ANXA13: variants seen among roughly 807,000 people sequenced by gnomAD.
The protein encoded by ANXA13 is annexin XIII.
A neutral mutation model predicts 46.6 loss-of-function variants in ANXA13; 36 were observed. That is an observed-to-expected ratio of 0.77 (90% CI 0.59 to 1.02). ANXA13 has a LOEUF of 1.02. Ranked by LOEUF, ANXA13 falls within the 50% of genes least tolerant of loss-of-function variation. The pLI is 0.00. For missense variants in ANXA13, 417 were observed against 396.5 expected (o/e 1.05, Z -0.44); for synonymous variants, 163 against 152.9 (o/e 1.07, Z -0.49).
chr8:123,716,411 G>A (rs190115885), intron 1 of ANXA13, among the ~76,000 whole-genome samples: 1 of 152,228 alleles, frequency 6.6e-6, no homozygotes, highest in Non-Finnish European at 1.5e-5. Context: ...TCTATCAGAG[G>A]CGCCACCATC....
At chr8:123,722,312 CAAAAAGAAAGAAAG>C (rs1212921950) in intron 1 of ANXA13, among the ~76,000 whole-genome samples, 88 of 126,960 alleles carry the variant, frequency 6.9e-4, no homozygotes, top group African/African-American at 2.6e-3. Context: ...GACCCTGTCT[CAAAAAGAAAGAAAG>C]AAAAAGAAAG....
intron 8 of ANXA13, among the ~76,000 whole-genome samples, chr8:123,692,852 A>G (rs907571165): frequency 6.6e-6 from 1 of 151,872 alleles, no homozygotes; most frequent in Admixed American, 6.6e-5. Flanking sequence ...TCTCCCCTGA[A>G]TGGGACACTT....
chr8:123,710,802 T>C (rs1265058910), intron 2 of ANXA13, among the ~76,000 whole-genome samples: 1 of 151,882 alleles, frequency 6.6e-6, no homozygotes, highest in Non-Finnish European at 1.5e-5. Context: ...TTGTAAGAAC[T>C]TGATGAGATT....
At chr8:123,709,202 A>G (rs932530881) in intron 2 of ANXA13, among the ~76,000 whole-genome samples, 1 of 152,178 alleles carries the variant, frequency 6.6e-6, no homozygotes. Context: ...ACATGCAACG[A>G]GGGCCAATGA....
At chr8:123,724,896 A>G (rs549009897) in intron 1 of ANXA13, among the ~76,000 whole-genome samples, 217 of 152,308 alleles carry the variant, frequency 1.4e-3, no homozygotes, top group African/African-American at 5.0e-3. Flanking sequence ...ATTCATTTAC[A>G]TTTGGCCTAT....
At chr8:123,693,669 T>A (rs200689921) in intron 7 of ANXA13, 42 bp downstream of exon 7, 28 of 1,539,476 alleles carry the variant, frequency 1.8e-5, no homozygotes, top group East Asian at 9.0e-5. Context: ...CTAATAAATT[T>A]AAAAAAAGAA....
intron 2 of ANXA13, chr8:123,711,528 T>G (rs1351190536): frequency 6.6e-6 from 1 of 152,518 alleles, no homozygotes; most frequent in Non-Finnish European, 1.5e-5. Flanking sequence ...CTCTTGGCCA[T>G]GCACTGACCC....
intron 1 of ANXA13, chr8:123,729,013 G>T (rs1814057265): frequency 6.6e-6 from 1 of 151,976 alleles, no homozygotes; most frequent in African/African-American, 2.4e-5. Flanking sequence ...ATCAGTAGTG[G>T]TAGTAGTAAT....
intron 3 of ANXA13, among the ~76,000 whole-genome samples, chr8:123,700,501 C>G (rs1458105485): frequency 6.6e-6 from 1 of 152,218 alleles, no homozygotes; most frequent in Non-Finnish European, 1.5e-5. Flanking sequence ...TCTAGATTAT[C>G]TGTTTGGCAG....
At chr8:123,723,002 G>A (rs1371835582) in intron 1 of ANXA13, among the ~76,000 whole-genome samples, 1 of 152,224 alleles carries the variant, frequency 6.6e-6, no homozygotes, top group Non-Finnish European at 1.5e-5. Flanking sequence ...AGACTGAAAA[G>A]ACACGAAGCC....
At chr8:123,696,328 C>A (rs1175182654) in intron 4 of ANXA13, among the ~76,000 whole-genome samples, 1 of 152,166 alleles carries the variant, frequency 6.6e-6, no homozygotes, top group Non-Finnish European at 1.5e-5. Context: ...GTTTACTTAG[C>A]CAACCTCCTA....
intron 9 of ANXA13, among the ~76,000 whole-genome samples, chr8:123,687,795 A>T (rs146276405): frequency 4.5e-4 from 68 of 152,250 alleles, no homozygotes; most frequent in African/African-American, 1.5e-3. Context: ...ACTGTGGACA[A>T]TGGACAATGC....
At chr8:123,715,845 G>C (rs1322291209) in intron 1 of ANXA13, among the ~76,000 whole-genome samples, 1 of 152,174 alleles carries the variant, frequency 6.6e-6, no homozygotes, top group Non-Finnish European at 1.5e-5. Flanking sequence ...TAAATGACAT[G>C]CCTGCCCCTC....
At chr8:123,689,711 GC>G (rs1237504552) in intron 8 of ANXA13, among the ~76,000 whole-genome samples, 1 of 152,102 alleles carries the variant, frequency 6.6e-6, no homozygotes, top group African/African-American at 2.4e-5. Context: ...CACAAATACT[GC>G]CCGGGCCAAG....
In ANXA13 at chr8:123,695,576, C is replaced by T. The variant is rs1429790886; in HGVS notation, c.397G>A (p.Asp133Asn). Residue 133 changes from aspartate to asparagine, a missense_variant, in exon 6 of 11, where the codon GAT becomes AAT. Coordinates refer to ENST00000419625, the MANE Select transcript of ANXA13 (RefSeq NM_004306.4). Reference sequence around the variant, plus strand: ...TTGACATCTGATTCGAGGCTCCTATCAAATACTTCGAAGGAAGTAAACAAG... The same window carrying T: ...TTGACATCTGATTCGAGGCTCCTATTAAATACTTCGAAGGAAGTAAACAAG... ...AIKEAYQRLF[D>N]RSLESDVKGD... The T allele has an allele frequency of 2.5e-6, 4 of 1,613,880 alleles. No individual in the cohort carries two copies. Among genetic ancestry groups the T allele is most frequent in the Non-Finnish European group, 3.4e-6 (4 of 1,179,888 alleles).
chr8:123,684,039 T>C (rs1309953026), intron 10 of ANXA13, among the ~76,000 whole-genome samples: 2 of 152,216 alleles, frequency 1.3e-5, no homozygotes, highest in Admixed American at 1.3e-4. Flanking sequence ...GATATCCACA[T>C]GGTATATAAA....
At chr8:123,715,521 T>G (rs12156087) in intron 1 of ANXA13, among the ~76,000 whole-genome samples, 101,444 of 152,174 alleles carry the variant, frequency 0.67, 34,204 homozygotes, top group African/African-American at 0.77. Flanking sequence ...AGAGAATTTT[T>G]TGGGACACAT....
chr8:123,731,339 C>T (rs4871412), intron 1 of ANXA13, among the ~76,000 whole-genome samples: 7,758 of 152,146 alleles, frequency 0.051, 287 homozygotes, highest in Non-Finnish European at 0.077. Flanking sequence ...CAGGGCCTTG[C>T]GCATGAATTG....
At chr8:123,696,030 C>G (rs769288334) in intron 4 of ANXA13, among the ~76,000 whole-genome samples, 4 of 152,030 alleles carry the variant, frequency 2.6e-5, no homozygotes, top group Non-Finnish European at 4.4e-5. Flanking sequence ...ACCACCTCCT[C>G]GCCTGGTCTC....
Sources: allele counts gnomAD v4.1 joint callset (sites outside exome capture counted in the v4.1 genomes callset), GRCh38; gene constraint gnomAD v4.1.1; transcripts MANE v1.5; gene names NCBI Gene and HGNC (gene_info 2026-07-23, HGNC 2026-07-21).